The following WWOX variants were observed in gnomAD, a reference collection of about 807,000 sequenced individuals.
The protein encoded by WWOX is WW domain-containing oxidoreductase.
WWOX carries 69 observed loss-of-function variants against 46.2 expected under a neutral mutation model. That is an observed-to-expected ratio of 1.49 (90% CI 1.23 to 1.82). The LOEUF (loss-of-function observed/expected upper bound fraction) is 1.82. Among genes scored for constraint, WWOX ranks in the 40% most tolerant of loss-of-function variants. The probability of loss-of-function intolerance (pLI) is 0.00; values close to 1 mark genes in which losing one functional copy is unlikely to be tolerated. For missense variants in WWOX, 919 were observed against 542.6 expected, an observed-to-expected ratio of 1.69 and a Z score of -6.89; for synonymous variants, 359 against 202.6, an observed-to-expected ratio of 1.77 and a Z score of -6.56.
chr16:78,913,782 C>A (rs761733160), intron 8 of WWOX, among the ~76,000 whole-genome samples: 1 of 151,892 alleles, frequency 6.6e-6, no homozygotes, highest in Non-Finnish European at 1.5e-5. Context: ...CCACCGTAGC[C>A]TCCTGAATAG....
intron 4 of WWOX, among the ~76,000 whole-genome samples, chr16:78,150,542 C>T (rs2034368394): frequency 6.6e-6 from 1 of 152,152 alleles, no homozygotes; most frequent in South Asian, 2.1e-4. Flanking sequence ...CCATGCCTGG[C>T]TAAGTTTTTT....
chr16:78,863,282 A>T (rs907285203), intron 8 of WWOX, among the ~76,000 whole-genome samples: 1 of 152,212 alleles, frequency 6.6e-6, no homozygotes. Context: ...TAACTTGGAA[A>T]CAATGAGCAG....
chr16:78,924,740 G>C (rs1365639913), intron 8 of WWOX, among the ~76,000 whole-genome samples: 2 of 152,228 alleles, frequency 1.3e-5, no homozygotes, highest in East Asian at 1.9e-4. Context: ...TCATTCTGTA[G>C]AGCTTCCTAT....
At chr16:78,146,639 G>A (rs35811275) in intron 4 of WWOX, among the ~76,000 whole-genome samples, 25,830 of 152,050 alleles carry the variant, frequency 0.17, 2,273 homozygotes, top group East Asian at 0.22. Flanking sequence ...ATCAAATGAA[G>A]AACTCCTTCC....
intron 8 of WWOX, among the ~76,000 whole-genome samples, chr16:78,837,836 A>C (rs1280365673): frequency 6.6e-6 from 1 of 152,200 alleles, no homozygotes; most frequent in Admixed American, 6.5e-5. Flanking sequence ...TAATTTTCAT[A>C]GTCATCCTGT....
intron 8 of WWOX, among the ~76,000 whole-genome samples, chr16:78,787,106 C>T (rs2050476504): frequency 6.6e-6 from 1 of 152,122 alleles, no homozygotes; most frequent in South Asian, 2.1e-4. Flanking sequence ...CAAGATTGCA[C>T]CACTGGACTC....
intron 5 of WWOX, among the ~76,000 whole-genome samples, chr16:78,364,727 C>CTG (rs2081494650): frequency 2.0e-5 from 3 of 152,140 alleles, no homozygotes; most frequent in South Asian, 4.1e-4. Flanking sequence ...CTGCCAGCAT[C>CTG]TGTTAGTGTT....
At chr16:78,496,270 C>T (rs961313752) in intron 8 of WWOX, 8 of 152,232 alleles carry the variant, frequency 5.3e-5, no homozygotes, top group Middle Eastern at 6.8e-3. Context: ...TTCATTTTCC[C>T]GTTGCTTAAA....
chr16:78,891,143 C>G (rs1424605863), intron 8 of WWOX: 1 of 152,078 alleles, frequency 6.6e-6, no homozygotes, highest in Non-Finnish European at 1.5e-5. Flanking sequence ...TTAAATCTTC[C>G]TTTAGTTCTC....
chr16:79,061,210 A>G (rs9972704), intron 8 of WWOX, among the ~76,000 whole-genome samples: 47 of 151,966 alleles, frequency 3.1e-4, no homozygotes, highest in African/African-American at 1.1e-3. Flanking sequence ...TTGACTGCCT[A>G]AAATGTTAGG....
intron 8 of WWOX, among the ~76,000 whole-genome samples, chr16:78,940,694 T>C (rs2045834522): frequency 6.6e-6 from 1 of 151,968 alleles, no homozygotes; most frequent in African/African-American, 2.4e-5. Flanking sequence ...TTTTTTCCTT[T>C]TGAATGACCA....
intron 8 of WWOX, among the ~76,000 whole-genome samples, chr16:78,594,982 T>C (rs1463913389): frequency 6.6e-6 from 1 of 152,218 alleles, no homozygotes; most frequent in Non-Finnish European, 1.5e-5. Flanking sequence ...CTATCCTTAC[T>C]GTTGAAGACT....
chr16:79,101,498 A>T (rs1201812536), intron 8 of WWOX: 1 of 152,208 alleles, frequency 6.6e-6, no homozygotes, highest in African/African-American at 2.4e-5. Flanking sequence ...CCTACTCCCT[A>T]TTCCCATATC....
intron 8 of WWOX, among the ~76,000 whole-genome samples, chr16:78,864,989 C>G (rs2043972382): frequency 6.6e-6 from 1 of 151,924 alleles, no homozygotes; most frequent in South Asian, 2.1e-4. Flanking sequence ...TCTTGAACTC[C>G]TGACCTCAAG....
chr16:79,141,931 G>A (rs1035897431), intron 8 of WWOX, among the ~76,000 whole-genome samples: 1 of 152,066 alleles, frequency 6.6e-6, no homozygotes, highest in African/African-American at 2.4e-5. Flanking sequence ...TGACTCTCCA[G>A]TGCTTCTTGG....
intron 8 of WWOX, among the ~76,000 whole-genome samples, chr16:79,104,352 C>A (rs7200794): frequency 0.097 from 14,828 of 152,164 alleles, 808 homozygotes; most frequent in East Asian, 0.16. Flanking sequence ...TTCAAAATTA[C>A]AATGAAAACT....
At chr16:78,272,261 C>G (rs1326720225) in intron 5 of WWOX, among the ~76,000 whole-genome samples, 1 of 152,078 alleles carries the variant, frequency 6.6e-6, no homozygotes, top group African/African-American at 2.4e-5. Flanking sequence ...AGGATGGTCA[C>G]CCATGGGTCT....
intron 8 of WWOX, among the ~76,000 whole-genome samples, chr16:78,879,606 G>A (rs1228365781): frequency 6.6e-6 from 1 of 152,196 alleles, no homozygotes; most frequent in Non-Finnish European, 1.5e-5. Context: ...GGCTGGGCAT[G>A]ATGGTTCACG....
chr16:78,490,858 C>T (rs1049268786), intron 8 of WWOX, among the ~76,000 whole-genome samples: 2 of 152,184 alleles, frequency 1.3e-5, no homozygotes, highest in African/African-American at 4.8e-5. Context: ...CACCCATCAC[C>T]ATTTGCTCTA....
Sources: allele counts gnomAD v4.1 joint callset (sites outside exome capture counted in the v4.1 genomes callset), GRCh38; gene constraint gnomAD v4.1.1; transcripts MANE v1.5; gene names NCBI Gene and HGNC (gene_info 2026-07-23, HGNC 2026-07-21).